Variants in UGT8 observed in about 807,000 individuals in gnomAD.
UGT8 encodes UDP glycosyltransferase 8.
In UGT8, 12 loss-of-function variants were observed where a neutral mutation model predicts 40.5. The ratio of observed to expected loss-of-function variants is 0.30; its 90% CI spans 0.19 to 0.48. UGT8 has a LOEUF of 0.48. UGT8 is among the 20% of genes least tolerant of loss of function. The pLI is 0.99. For synonymous variants in UGT8, 224 were observed against 240.4 expected, an observed-to-expected ratio of 0.93 and a Z score of 0.63; for missense variants, 513 against 648.7, an observed-to-expected ratio of 0.79 and a Z score of 2.27.
chr4:114,663,135 C>T (rs1464601208), intron 2 of UGT8, among the ~76,000 whole-genome samples: 1 of 151,958 alleles, frequency 6.6e-6, no homozygotes, highest in African/African-American at 2.4e-5. Flanking sequence ...GATGATACTT[C>T]TTATTGTGCA....
At chr4:114,615,452 T>G (rs147965727) in intron 1 of UGT8, among the ~76,000 whole-genome samples, 1 of 152,108 alleles carries the variant, frequency 6.6e-6, no homozygotes, top group African/African-American at 2.4e-5. Context: ...CCTGGGAAAC[T>G]TCCCCCCTCC....
At chr4:114,644,990 T>A (rs1033949956) in intron 2 of UGT8, among the ~76,000 whole-genome samples, 1 of 152,164 alleles carries the variant, frequency 6.6e-6, no homozygotes, top group East Asian at 1.9e-4. Context: ...TAATTAATTC[T>A]GCTATATTCT....
At position 114,676,045 on chromosome 4, in the gene UGT8, T is replaced by G; in HGVS notation, c.1383T>G (p.Arg461=). The G allele has an allele frequency of 6.2e-7, 1 of 1,614,216 alleles. No individual in the cohort carries two copies. Among genetic ancestry groups the G allele is most frequent in the Admixed American group, 1.7e-5 (1 of 60,024 alleles). ...GTCACAATGGAGCCCATCACCTACG[T>G]GCCGCTGTCCATCAGATCTCCTTTT... ...IIRHNGAHHL[R]AAVHQISFCQ... The change falls in exon 6 of 6, where the codon CGT becomes CGG. Residue 461 remains arginine (R), a synonymous_variant. Transcript: ENST00000310836.
At chr4:114,609,264 A>G (rs1166401136) in intron 1 of UGT8, among the ~76,000 whole-genome samples, 1 of 152,182 alleles carries the variant, frequency 6.6e-6, no homozygotes, top group Non-Finnish European at 1.5e-5. Context: ...AAAAAAGAAT[A>G]TATTTTAAGA....
At chr4:114,619,057 G>T (rs578111327) in intron 1 of UGT8, among the ~76,000 whole-genome samples, 5 of 151,834 alleles carry the variant, frequency 3.3e-5, no homozygotes, top group Non-Finnish European at 7.4e-5. Flanking sequence ...AATCATTACT[G>T]TTTCTTTTTC....
intron 1 of UGT8, among the ~76,000 whole-genome samples, chr4:114,620,298 G>A (rs567807436): frequency 4.5e-4 from 68 of 152,124 alleles, no homozygotes; most frequent in Non-Finnish European, 7.8e-4. Context: ...CTCACCTCTC[G>A]AATATGCAAG....
At chr4:114,635,745 A>T (rs1177237382) in intron 2 of UGT8, among the ~76,000 whole-genome samples, 1 of 152,182 alleles carries the variant, frequency 6.6e-6, no homozygotes, top group African/African-American at 2.4e-5. Context: ...TTGTAAATAA[A>T]ACTTCAAATG....
intron 2 of UGT8, among the ~76,000 whole-genome samples, chr4:114,642,137 T>C (rs548023336): frequency 6.6e-6 from 1 of 152,258 alleles, no homozygotes; most frequent in South Asian, 2.1e-4. Flanking sequence ...ATGTATGTAA[T>C]AGAATTGTAA....
intron 2 of UGT8, among the ~76,000 whole-genome samples, chr4:114,636,997 G>C (rs1246607499): frequency 6.6e-6 from 1 of 152,144 alleles, no homozygotes; most frequent in Non-Finnish European, 1.5e-5. Context: ...TACCTTTCAA[G>C]CAGTAGTGAA....
At chr4:114,618,304 A>G (rs1159675149) in intron 1 of UGT8, among the ~76,000 whole-genome samples, 5 of 152,164 alleles carry the variant, frequency 3.3e-5, no homozygotes, top group African/African-American at 1.2e-4. Flanking sequence ...TGCCAGTTGT[A>G]TTTCATAACA....
At chr4:114,627,458 C>T (rs1732303736) in intron 2 of UGT8, among the ~76,000 whole-genome samples, 1 of 151,878 alleles carries the variant, frequency 6.6e-6, no homozygotes, top group African/African-American at 2.4e-5. Context: ...TGGAGTTTCA[C>T]CGTGTTAGCC....
At chr4:114,625,509 TAAAAAAAAAAAAAAA>T in intron 2 of UGT8, among the ~76,000 whole-genome samples, 1 of 75,304 alleles carries the variant, frequency 1.3e-5, no homozygotes, top group East Asian at 5.4e-4. Context: ...AGACCCTGTC[TAAAAAAAAAAAAAAA>T]AAAAAAAAAA....
chr4:114,612,071 A>G (rs1403829297), intron 1 of UGT8, among the ~76,000 whole-genome samples: 1 of 152,198 alleles, frequency 6.6e-6, no homozygotes, highest in Non-Finnish European at 1.5e-5. Flanking sequence ...CATCTTAAGG[A>G]CAAAAGAAAA....
intron 2 of UGT8, among the ~76,000 whole-genome samples, chr4:114,629,907 T>G (rs916280532): frequency 2.0e-5 from 3 of 152,208 alleles, no homozygotes; most frequent in Non-Finnish European, 4.4e-5. Flanking sequence ...GAATTGTTCA[T>G]TTAGGTATTA....
In UGT8 at chr4:114,677,164, G is replaced by C. The variant is rs955552669; in HGVS notation, c.*876G>C. On this transcript the variant is annotated 3_prime_UTR_variant, in exon 6 of 6. Coordinates refer to ENST00000310836, the MANE Select transcript of UGT8 (RefSeq NM_001128174.3). ...TTTATTCAAAGTACTGAAGATTATT[G>C]CTTCTAGGGCATTTTTAAACAGCAC... 6.6e-6 allele frequency: 1 copy of C among 152,070 alleles called. No individual in the cohort carries two copies. The highest frequency in any genetic ancestry group is 1.5e-5 in the Non-Finnish European group (1 of 68,008). 9.4% of individuals were successfully genotyped at this position (152,070 alleles called of 1,614,324 possible).
chr4:114,662,039 A>T (rs1734573757), intron 2 of UGT8, among the ~76,000 whole-genome samples: 1 of 152,204 alleles, frequency 6.6e-6, no homozygotes, highest in Non-Finnish European at 1.5e-5. Flanking sequence ...TCTTACATAT[A>T]CTTGGTAAAT....
chr4:114,675,847 C>T lies in UGT8; in HGVS notation c.1263-78C>T, dbSNP rs1006956163. Reference sequence around the variant, plus strand: ...AGAATAGTTGTTTTAATTATTTCCCCTTTTTAAATGAAGATATGCATAAAT... The same window carrying T: ...AGAATAGTTGTTTTAATTATTTCCCTTTTTTAAATGAAGATATGCATAAAT... On this transcript the variant is annotated intron_variant, in intron 5 of 5. Transcript: ENST00000310836. The T allele has an allele frequency of 2.7e-6, 4 of 1,488,872 alleles. No homozygotes were observed. In the Admixed American group the frequency reaches 9.0e-5, roughly 34 times the overall value. The allele number at this position is 1,488,872 out of a possible 1,614,324, so 92.2% of individuals were successfully genotyped here.
intron 5 of UGT8, among the ~76,000 whole-genome samples, chr4:114,672,583 C>T (rs866837863): frequency 2.6e-5 from 4 of 151,990 alleles, no homozygotes; most frequent in Non-Finnish European, 1.5e-5. Flanking sequence ...CCAAATACTG[C>T]GTGTTCTCAC....
At chr4:114,662,050 G>A (rs1734575831) in intron 2 of UGT8, among the ~76,000 whole-genome samples, 1 of 152,156 alleles carries the variant, frequency 6.6e-6, no homozygotes, top group African/African-American at 2.4e-5. Flanking sequence ...CTTGGTAAAT[G>A]TAGCAGAATA....
Sources: allele counts gnomAD v4.1 joint callset (sites outside exome capture counted in the v4.1 genomes callset), GRCh38; gene constraint gnomAD v4.1.1; transcripts MANE v1.5; gene names NCBI Gene and HGNC (gene_info 2026-07-23, HGNC 2026-07-21).